SLC44A5: variants seen among roughly 807,000 people sequenced by gnomAD.
SLC44A5 encodes the protein choline transporter-like protein 5.
In SLC44A5, 57 loss-of-function variants were observed where a neutral mutation model predicts 101.8. That is an observed-to-expected ratio of 0.56 (90% CI 0.45 to 0.70). The LOEUF is 0.70. Ranked by LOEUF, SLC44A5 falls within the 30% of genes least tolerant of loss-of-function variation. The pLI, the probability that SLC44A5 is intolerant of heterozygous loss-of-function variation, is 0.00. For synonymous variants in SLC44A5, 281 were observed against 290.9 expected, an observed-to-expected ratio of 0.97 and a Z score of 0.35; for missense variants, 737 against 853.1, an observed-to-expected ratio of 0.86 and a Z score of 1.70.
chr1:75,321,260 A>G (rs1273065283), intron 4 of SLC44A5, among the ~76,000 whole-genome samples: 3 of 152,086 alleles, frequency 2.0e-5, no homozygotes, highest in Non-Finnish European at 4.4e-5. Context: ...TCTCAGTACC[A>G]ATTTATTTCT....
intron 2 of SLC44A5, among the ~76,000 whole-genome samples, chr1:75,423,032 G>A (rs1283115944): frequency 6.6e-6 from 1 of 152,146 alleles, no homozygotes; most frequent in Non-Finnish European, 1.5e-5. Context: ...CAAGGCTTAA[G>A]CTAGTTCCAT....
At chr1:75,322,471 T>C (rs910488150) in intron 4 of SLC44A5, among the ~76,000 whole-genome samples, 3 of 152,162 alleles carry the variant, frequency 2.0e-5, no homozygotes, top group African/African-American at 4.8e-5. Context: ...TATATGCTGG[T>C]GTGTCTTCCC....
chr1:75,215,899 T>G, intron 18 of SLC44A5, 42 bp from the exon 19 acceptor site: 2 of 1,072,956 alleles, frequency 1.9e-6, no homozygotes, highest in East Asian at 2.4e-5. Context: ...GATTTGCAGC[T>G]GAACCTTATC....
the SLC44A5 span, among the ~76,000 whole-genome samples, chr1:75,661,387 T>TTA: frequency 3.7e-5 from 2 of 53,600 alleles, no homozygotes; most frequent in Non-Finnish European, 6.1e-5. Flanking sequence ...CTACTGCAAG[T>TTA]AAAAAAAAAA....
chr1:75,241,937 G>A lies in SLC44A5; in HGVS notation c.532+64C>T, dbSNP rs1648667772. On this transcript the variant is annotated intron_variant, in intron 9 of 23. Transcript: ENST00000370859. Reference sequence around the variant, plus strand: ...TCAGTCTCATCAATTGTGAAATACGGGAACTTAATTAAGTAGCATTTTGGT... The same window carrying A: ...TCAGTCTCATCAATTGTGAAATACGAGAACTTAATTAAGTAGCATTTTGGT... The A allele has an allele frequency of 2.2e-6, 3 of 1,383,564 alleles. No individual in the cohort carries two copies. In the East Asian group the frequency reaches 6.9e-5, roughly 32 times the overall value. The allele number at this position is 1,383,564 out of a possible 1,614,324, so 85.7% of individuals were successfully genotyped here. A position where few individuals can be genotyped will look rare whatever the true frequency, so the allele number is the denominator to read the frequency against.
chr1:75,257,594 C>G (rs550955395), intron 6 of SLC44A5, among the ~76,000 whole-genome samples: 1 of 152,230 alleles, frequency 6.6e-6, no homozygotes, highest in African/African-American at 2.4e-5. Flanking sequence ...CCAACACAAA[C>G]TCCTGCAATT....
At chr1:75,410,851 G>A (rs997610791) in intron 2 of SLC44A5, among the ~76,000 whole-genome samples, 9 of 152,044 alleles carry the variant, frequency 5.9e-5, no homozygotes, top group African/African-American at 1.9e-4. Flanking sequence ...AAAATTTCTT[G>A]AGCAGCTGCT....
the SLC44A5 span, among the ~76,000 whole-genome samples, chr1:75,663,398 T>C: frequency 2.0e-5 from 3 of 152,310 alleles, no homozygotes; most frequent in East Asian, 5.8e-4. Flanking sequence ...ACTGGCACTC[T>C]GATCTCAGAT....
At chr1:75,582,055 C>T (rs985081632) in intron 1 of SLC44A5, 5 of 678,214 alleles carry the variant, frequency 7.4e-6, no homozygotes, top group South Asian at 6.0e-5. Flanking sequence ...ACTGAGCTTT[C>T]ACTTCCAGGC....
chr1:75,573,693 C>G (rs1194730605), intron 1 of SLC44A5, among the ~76,000 whole-genome samples: 1 of 152,002 alleles, frequency 6.6e-6, no homozygotes, highest in Non-Finnish European at 1.5e-5. Context: ...TTGCCACAAA[C>G]TATGCCGATT....
chr1:75,686,222 C>T, the SLC44A5 span, among the ~76,000 whole-genome samples: 1 of 152,096 alleles, frequency 6.6e-6, no homozygotes, highest in African/African-American at 2.4e-5. Context: ...AAAATAATGC[C>T]TTTTGTAGCC....
intron 2 of SLC44A5, among the ~76,000 whole-genome samples, chr1:75,529,188 A>T (rs1670587987): frequency 6.6e-6 from 1 of 152,064 alleles, no homozygotes; most frequent in Non-Finnish European, 1.5e-5. Context: ...ATATTTAGTA[A>T]CCCAAGGTCT....
At chr1:75,698,108 G>A in the SLC44A5 span, among the ~76,000 whole-genome samples, 1 of 152,214 alleles carries the variant, frequency 6.6e-6, no homozygotes. Flanking sequence ...GCTTGCTTAG[G>A]TAAACAAAGC....
intron 4 of SLC44A5, among the ~76,000 whole-genome samples, chr1:75,325,297 A>G (rs1656493071): frequency 2.0e-5 from 3 of 152,146 alleles, no homozygotes; most frequent in South Asian, 4.1e-4. Context: ...AGAATCTGAT[A>G]CATTTATTTT....
intron 3 of SLC44A5, among the ~76,000 whole-genome samples, chr1:75,386,439 T>C (rs1167407404): frequency 4.6e-5 from 7 of 152,094 alleles, no homozygotes; most frequent in African/African-American, 1.2e-4. Context: ...AGCCAAATCA[T>C]GAGTGAAATC....
chr1:75,697,820 C>T, the SLC44A5 span, among the ~76,000 whole-genome samples: 1 of 152,160 alleles, frequency 6.6e-6, no homozygotes, highest in Non-Finnish European at 1.5e-5. Context: ...TGAAGCAGGG[C>T]GAGGCATTGC....
At chr1:75,498,031 T>C (rs1668766161) in intron 2 of SLC44A5, among the ~76,000 whole-genome samples, 2 of 152,102 alleles carry the variant, frequency 1.3e-5, no homozygotes, top group African/African-American at 2.4e-5. Context: ...ATGCCAAGGT[T>C]TTCATCATGT....
chr1:75,323,605 A>G (rs986496814), intron 4 of SLC44A5, among the ~76,000 whole-genome samples: 1 of 152,172 alleles, frequency 6.6e-6, no homozygotes, highest in Non-Finnish European at 1.5e-5. Flanking sequence ...TGCAAAGTAA[A>G]TGAATCATTA....
At chr1:75,605,493 T>C (rs1675271481) in intron 1 of SLC44A5, among the ~76,000 whole-genome samples, 2 of 152,086 alleles carry the variant, frequency 1.3e-5, no homozygotes, top group African/African-American at 2.4e-5. Context: ...TATAGTGATT[T>C]GTAGAGTCAG....
Sources: gnomAD v4.1 joint callset for allele counts (sites outside exome capture counted in the v4.1 genomes callset) on GRCh38, gnomAD v4.1.1 for gene constraint, MANE v1.5 for transcripts, NCBI Gene and HGNC (gene_info 2026-07-23, HGNC 2026-07-21) for gene names.